PLOD1: variants seen among roughly 807,000 people sequenced by gnomAD.
PLOD1 encodes the protein procollagen-lysine,2-oxoglutarate 5-dioxygenase 1.
Under a neutral mutation model 94.7 loss-of-function variants are expected in PLOD1, and 70 were observed. That is an observed-to-expected ratio of 0.74 (90% CI 0.61 to 0.90). The LOEUF (loss-of-function observed/expected upper bound fraction) is 0.90, where lower values mean the gene tolerates loss of function less well. PLOD1 is among the 40% of genes least tolerant of loss of function. PLOD1 has a pLI of 0.00. For synonymous variants in PLOD1, 417 were observed against 400.2 expected (o/e 1.04, Z -0.50); for missense variants, 905 against 972.7 (o/e 0.93, Z 0.93).
intron 9 of PLOD1, among the ~76,000 whole-genome samples, chr1:11,959,065 T>C (rs1471672863): frequency 6.6e-6 from 1 of 151,600 alleles, no homozygotes; most frequent in Non-Finnish European, 1.5e-5. Flanking sequence ...TTAAGCTGGG[T>C]GTGGTGGCAG....
In PLOD1 at chr1:11,958,155, A is replaced by C. The variant is rs941436311; in HGVS notation, c.843+212A>C. On this transcript the variant is annotated intron_variant, in intron 8 of 18. Coordinates refer to ENST00000196061, the MANE Select transcript of PLOD1 (RefSeq NM_000302.4). This position sits in a 1 kb window ranked among gnomAD's most constrained non-coding sequence, Gnocchi z 4.3. ...GTCTCTAGCTTCCCCCGAGATGTCC[A>C]GGTTCTGGTTTCTTCTGCCTGGTCC... 6.6e-6 allele frequency among the ~76,000 whole-genome samples: 1 copy of C among 151,906 alleles called. No individual in the cohort carries two copies. The highest frequency in any genetic ancestry group is 6.5e-5 in the Admixed American group (1 of 15,272).
Position 11,960,718 on chromosome 1 carries a change from G to A in PLOD1, c.1048G>A (p.Val350Met). ...CAGCGAGTACCAGTCTGTGAAGCTG[G>A]TGGGCCCTGAGGTGCGGATGGCGAA... is the stretch of plus-strand genomic sequence containing the variant. ...HGSEYQSVKL[V>M]GPEVRMANAD... Residue 350 changes from valine (V) to methionine (M), a missense_variant, in exon 10 of 19, where the codon GTG becomes ATG. Coordinates refer to ENST00000196061, the MANE Select transcript of PLOD1 (RefSeq NM_000302.4). 6.2e-7 allele frequency: 1 copy of A among 1,613,660 alleles called. No homozygotes were observed. The highest frequency in any genetic ancestry group is 8.5e-7 in the Non-Finnish European group (1 of 1,180,016).
intron 6 of PLOD1, among the ~76,000 whole-genome samples, chr1:11,956,155 G>A (rs533851411): frequency 1.3e-4 from 19 of 151,938 alleles, no homozygotes; most frequent in Non-Finnish European, 2.6e-4. Flanking sequence ...AGGCCAAGGC[G>A]GGTGGATCAC....
At chr1:11,944,790 C>G (rs1645639042) in intron 1 of PLOD1, 1 of 608,590 alleles carries the variant, frequency 1.6e-6, no homozygotes, top group Non-Finnish European at 2.4e-6. Flanking sequence ...GGCCAGCTCC[C>G]TGCCCCGGCT....
rs763065699 is a variant in PLOD1 at position 11,963,542 on chromosome 1, C to G, written c.1108C>G (p.Arg370Gly). 2 of 1,597,718 alleles carry G rather than the reference C, an allele frequency of 1.3e-6. No individual in the cohort carries two copies. The highest frequency in any genetic ancestry group is 2.3e-5 in the South Asian group (2 of 87,866). ...DARNMGADLC[R>G]QDRSCTYYFS... ...TCCTCCTCCTTGCAGAGACCTGTGC[C>G]GGCAGGACCGCAGCTGCACCTACTA... Residue 370 changes from arginine to glycine, a missense_variant, in exon 11 of 19, where the codon CGG (arginine) becomes GGG (glycine). Coordinates refer to ENST00000196061, the MANE Select transcript of PLOD1 (RefSeq NM_000302.4). The surrounding 1 kb of genome is among the most constrained non-coding windows in gnomAD (Gnocchi z 4.3).
chr1:11,954,762 G>A (rs551525159), intron 5 of PLOD1, 68 bp from the exon 6 acceptor site: 1 of 1,158,100 alleles, frequency 8.6e-7, no homozygotes, highest in East Asian at 2.3e-5. Context: ...CCCCACACTG[G>A]GTGAGATGTA....
At chr1:11,951,040 T>A (rs944251510) in intron 4 of PLOD1, among the ~76,000 whole-genome samples, 1 of 151,648 alleles carries the variant, frequency 6.6e-6, no homozygotes, top group African/African-American at 2.4e-5. Context: ...GTGATCCACC[T>A]GCCTCGGCCT....
intron 1 of PLOD1, among the ~76,000 whole-genome samples, chr1:11,939,099 C>T (rs111651799): frequency 1.3e-4 from 20 of 151,646 alleles, no homozygotes; most frequent in East Asian, 3.9e-4. Flanking sequence ...TTGATTTGGC[C>T]GTGGTGAGAG....
At chr1:11,967,778 C>G (rs1557498630) in intron 16 of PLOD1, among the ~76,000 whole-genome samples, 1 of 149,762 alleles carries the variant, frequency 6.7e-6, no homozygotes, top group Non-Finnish European at 1.5e-5. Context: ...GAGACCGAGT[C>G]TCACTCTGTC....
intron 9 of PLOD1, among the ~76,000 whole-genome samples, chr1:11,959,591 C>T (rs1399663591): frequency 3.4e-5 from 5 of 148,656 alleles, no homozygotes; most frequent in Non-Finnish European, 7.4e-5. Flanking sequence ...TACAGGCATG[C>T]GCCATCACAA....
rs757393804 is a variant in PLOD1 at position 11,970,733 on chromosome 1, G to A, written c.1819G>A (p.Gly607Ser). 7.4e-6 allele frequency: 12 copies of A among 1,612,456 alleles called. 1 individual carries two copies. The highest frequency in any genetic ancestry group is 2.7e-5 in the African/African-American group (2 of 74,406). Reference sequence around the variant, plus strand: ...TATTGACATCCACATGAACCAGATCGGCTTTGAGCGGGAGTGGCACAAATT... The same window carrying A: ...TATTGACATCCACATGAACCAGATCAGCTTTGAGCGGGAGTGGCACAAATT... ...PTIDIHMNQI[G>S]FEREWHKFLL... is the part of the protein sequence containing the mutation. Residue 607 changes from glycine (G) to serine (S), a missense_variant, in exon 17 of 19, where the codon GGC (glycine) becomes AGC (serine). Transcript: ENST00000196061.
Position 11,957,219 on chromosome 1 carries a change from CT to C in PLOD1, c.741+206del. ...GTCAGTGGTACTCTGTCTGTTCTTG[CT>C]GGTCACAGGACACGTAGGAGGCTGC... On this transcript the variant is annotated intron_variant, in intron 7 of 18. Coordinates refer to ENST00000196061, the MANE Select transcript of PLOD1 (RefSeq NM_000302.4). This position sits in a 1 kb window ranked among gnomAD's most constrained non-coding sequence, Gnocchi z 4.1. 1 of 748,896 alleles carries C rather than the reference CT, an allele frequency of 1.3e-6. No homozygotes were observed. The highest frequency in any genetic ancestry group is 1.7e-5 in the Admixed American group (1 of 57,974). The allele number at this position is 748,896 out of a possible 1,614,324, so 46.4% of individuals were successfully genotyped here.
In PLOD1 at chr1:11,935,936, C is replaced by T. The variant is rs547096206; in HGVS notation, c.76+1081C>T. Reference sequence around the variant, plus strand: ...TCGCGCCCGGCCGGTTCAAGCGACTCCTGTACCTCAGCCTCCCAGGTAGGT... The same window carrying T: ...TCGCGCCCGGCCGGTTCAAGCGACTTCTGTACCTCAGCCTCCCAGGTAGGT... On this transcript the variant is annotated intron_variant, in intron 1 of 18. Transcript: ENST00000196061. Among the ~76,000 whole-genome samples the T allele has an allele frequency of 1.1e-4, 16 of 151,764 alleles. No individual in the cohort carries two copies. The East Asian group carries it at 2.7e-3, about 26-fold the overall frequency.
chr1:11,954,669 T>C, intron 5 of PLOD1, 161 bp from the exon 6 acceptor site: 1 of 775,014 alleles, frequency 1.3e-6, no homozygotes, highest in South Asian at 1.4e-5. Flanking sequence ...GCTTGGCTGC[T>C]GGCCTTCTCT....
At position 11,963,587 on chromosome 1, in the gene PLOD1, G is replaced by A. The variant is rs371223839; in HGVS notation, c.1153G>A (p.Val385Met). 1.4e-5 allele frequency: 23 copies of A among 1,604,674 alleles called. No homozygotes were observed. The highest frequency in any genetic ancestry group is 3.3e-4 in the Middle Eastern group (2 of 6,050). The change falls in exon 11 of 19, where the codon GTG becomes ATG. Residue 385 changes from valine (V) to methionine (M), a missense_variant. Coordinates refer to ENST00000196061, the MANE Select transcript of PLOD1 (RefSeq NM_000302.4). The surrounding 1 kb of genome is among the most constrained non-coding windows in gnomAD (Gnocchi z 4.3). ...CTYYFSVDAD[V>M]ALTEPNSLRL... is the part of the protein sequence containing the mutation. ...CTACTACTTCAGCGTGGATGCTGAC[G>A]TGGCCCTGACCGAGCCCAACAGCCT...
chr1:11,937,922 AT>A (rs1218806419), intron 1 of PLOD1, among the ~76,000 whole-genome samples: 14,756 of 97,084 alleles, frequency 0.15, 963 homozygotes, highest in African/African-American at 0.28. Context: ...CCTGTTTTCC[AT>A]TTTTTTTTTT....
In PLOD1 at chr1:11,958,787, C is replaced by A; in HGVS notation, c.975+140C>A. ...GACAATCACCAGTGGACTGTGTCCCCAAATCACTGAGTTAACTTTGGAGTC... is the reference window on the plus strand; with the variant it reads ...GACAATCACCAGTGGACTGTGTCCCAAAATCACTGAGTTAACTTTGGAGTC... On this transcript the variant is annotated intron_variant, in intron 9 of 18. Transcript: ENST00000196061. The surrounding 1 kb of genome is among the most constrained non-coding windows in gnomAD (Gnocchi z 4.3). 1.0e-6 allele frequency: 1 copy of A among 977,914 alleles called. No homozygotes were observed. The highest frequency in any genetic ancestry group is 1.4e-5 in the South Asian group (1 of 72,906). 60.6% of individuals were successfully genotyped at this position (977,914 alleles called of 1,614,324 possible).
rs373050647 is a variant in PLOD1 at position 11,975,071 on chromosome 1, G to C, written c.*263G>C. The C allele has an allele frequency of 3.7e-6, 2 of 539,968 alleles. No homozygotes were observed. Among genetic ancestry groups the C allele is most frequent in the South Asian group, 2.0e-5 (1 of 49,432 alleles). 33.4% of individuals were successfully genotyped at this position (539,968 alleles called of 1,614,324 possible). A position where few individuals can be genotyped will look rare whatever the true frequency, so the allele number is the denominator to read the frequency against. ...CACTTTTACTGCTTTGTAGTGACTC[G>C]TGCTCTCCAACCTGTCTTCCTGAAA... On this transcript the variant is annotated 3_prime_UTR_variant, in exon 19 of 19. Transcript: ENST00000196061.
chr1:11,960,967 GC>G (rs1645774406), intron 10 of PLOD1, among the ~76,000 whole-genome samples, 200 bp downstream of exon 10: 1 of 152,138 alleles, frequency 6.6e-6, no homozygotes, highest in Non-Finnish European at 1.5e-5. Flanking sequence ...GGGCTCCTGG[GC>G]AGGGCTGAGC....
Sources: allele counts gnomAD v4.1 joint callset (sites outside exome capture counted in the v4.1 genomes callset), GRCh38; gene constraint gnomAD v4.1.1; non-coding constraint Gnocchi (gnomAD v3.1); transcripts MANE v1.5; gene names NCBI Gene and HGNC (gene_info 2026-07-23, HGNC 2026-07-21).